The following PHF21B variants were observed in gnomAD, a reference collection of about 807,000 sequenced individuals.
PHF21B encodes PHD finger protein 4.
A neutral mutation model predicts 62.2 loss-of-function variants in PHF21B; 22 were observed. That is an observed-to-expected ratio of 0.35 (90% CI 0.25 to 0.51). The LOEUF is 0.51. PHF21B is among the 20% of genes least tolerant of loss of function. The probability of loss-of-function intolerance (pLI) is 0.97; values close to 1 mark genes in which losing one functional copy is unlikely to be tolerated. For missense variants in PHF21B, 701 were observed against 707.9 expected, an observed-to-expected ratio of 0.99 and a Z score of 0.11; for synonymous variants, 341 against 314.7, an observed-to-expected ratio of 1.08 and a Z score of -0.88.
At chr22:44,947,964 C>T (rs776680318) in intron 2 of PHF21B, among the ~76,000 whole-genome samples, 5 of 152,318 alleles carry the variant, frequency 3.3e-5, no homozygotes, top group African/African-American at 4.8e-5. Flanking sequence ...GAGCACAGGG[C>T]GCCAGAGCCT....
At chr22:45,001,641 C>T (rs891189735) in intron 2 of PHF21B, among the ~76,000 whole-genome samples, 1 of 152,236 alleles carries the variant, frequency 6.6e-6, no homozygotes, top group African/African-American at 2.4e-5. Flanking sequence ...GTCACCGTCA[C>T]TCACAACATA....
intron 2 of PHF21B, among the ~76,000 whole-genome samples, chr22:44,982,493 G>A (rs2072861143): frequency 6.6e-6 from 1 of 152,106 alleles, no homozygotes. Flanking sequence ...AGCCAAGTCT[G>A]CAGGACTCTA....
chr22:44,899,530 A>T (rs1461139174), intron 5 of PHF21B, among the ~76,000 whole-genome samples: 1 of 151,902 alleles, frequency 6.6e-6, no homozygotes, highest in African/African-American at 2.4e-5. Flanking sequence ...ACCTCAGGTG[A>T]TCTGCCTGGC....
intron 4 of PHF21B, among the ~76,000 whole-genome samples, chr22:44,915,966 C>T (rs2071424286): frequency 6.6e-6 from 1 of 152,202 alleles, no homozygotes; most frequent in African/African-American, 2.4e-5. Flanking sequence ...ATTGGTTAAT[C>T]ATTTGAATGA....
chr22:44,944,454 T>A (rs2072023584), intron 2 of PHF21B, among the ~76,000 whole-genome samples: 1 of 152,194 alleles, frequency 6.6e-6, no homozygotes, highest in African/African-American at 2.4e-5. Flanking sequence ...CTGGGAGCTA[T>A]CGAGACTTAA....
intron 2 of PHF21B, among the ~76,000 whole-genome samples, chr22:44,927,737 G>A (rs2147330723): frequency 6.6e-6 from 1 of 152,106 alleles, no homozygotes; most frequent in South Asian, 2.1e-4. Flanking sequence ...TTCTGGCAAG[G>A]GCTGACCTTT....
intron 2 of PHF21B, among the ~76,000 whole-genome samples, chr22:44,947,150 C>T (rs1030783617): frequency 1.3e-5 from 2 of 152,244 alleles, no homozygotes; most frequent in Non-Finnish European, 2.9e-5. Flanking sequence ...GAAGCCTGGC[C>T]TTGCAGGCTG....
At chr22:44,990,651 T>C (rs1221007679) in intron 2 of PHF21B, among the ~76,000 whole-genome samples, 1 of 152,200 alleles carries the variant, frequency 6.6e-6, no homozygotes, top group African/African-American at 2.4e-5. Flanking sequence ...CTAAGTAAGA[T>C]GCCGGCTACC....
intron 2 of PHF21B, among the ~76,000 whole-genome samples, chr22:44,973,838 G>A (rs2072685525): frequency 1.3e-5 from 2 of 152,228 alleles, no homozygotes; most frequent in Non-Finnish European, 2.9e-5. Flanking sequence ...ACCTAGCCCA[G>A]CACTGGGAAG....
At chr22:44,900,535 A>C (rs2071139317) in intron 5 of PHF21B, among the ~76,000 whole-genome samples, 1 of 152,130 alleles carries the variant, frequency 6.6e-6, no homozygotes, top group South Asian at 2.1e-4. Flanking sequence ...TCCTGACCTC[A>C]AGTGATCCAC....
intron 2 of PHF21B, among the ~76,000 whole-genome samples, chr22:44,968,242 G>A (rs886430773): frequency 3.9e-5 from 6 of 152,194 alleles, no homozygotes; most frequent in African/African-American, 7.2e-5. Context: ...GATTTGTCTC[G>A]TCTTTATTCA....
At chr22:44,963,627 G>A (rs954768450) in intron 2 of PHF21B, among the ~76,000 whole-genome samples, 3 of 152,312 alleles carry the variant, frequency 2.0e-5, no homozygotes, top group Admixed American at 1.3e-4. Flanking sequence ...GGCACTCACC[G>A]CAGACTTTGT....
At chr22:44,916,257 G>A (rs376608553) in intron 4 of PHF21B, 23 bp downstream of exon 4, 54 of 1,599,694 alleles carry the variant, frequency 3.4e-5, no homozygotes, top group East Asian at 2.0e-4. Flanking sequence ...CACCCTTTCC[G>A]GAGCCTGCTG....
At chr22:44,914,513 G>C (rs545058721) in intron 4 of PHF21B, among the ~76,000 whole-genome samples, 3 of 152,240 alleles carry the variant, frequency 2.0e-5, no homozygotes, top group Non-Finnish European at 4.4e-5. Context: ...CTGAGGCCAC[G>C]AGAGCTCAGA....
At chr22:44,964,170 T>C (rs573408996) in intron 2 of PHF21B, among the ~76,000 whole-genome samples, 1 of 152,282 alleles carries the variant, frequency 6.6e-6, no homozygotes, top group South Asian at 2.1e-4. Context: ...CACTAGACAG[T>C]GACAAACACA....
intron 2 of PHF21B, among the ~76,000 whole-genome samples, chr22:44,949,444 C>T (rs574870908): frequency 2.1e-4 from 32 of 152,258 alleles, no homozygotes; most frequent in African/African-American, 6.0e-4. Context: ...AGTGTTCCCT[C>T]GTCACCCCCA....
intron 2 of PHF21B, among the ~76,000 whole-genome samples, chr22:44,928,485 C>T (rs1157992321): frequency 6.6e-6 from 1 of 152,234 alleles, no homozygotes; most frequent in Non-Finnish European, 1.5e-5. Context: ...TCTTGGCTCA[C>T]TGCAACCTCT....
At chr22:44,995,625 T>A (rs947590650) in intron 2 of PHF21B, among the ~76,000 whole-genome samples, 1 of 152,134 alleles carries the variant, frequency 6.6e-6, no homozygotes, top group Non-Finnish European at 1.5e-5. Context: ...ATCTCGGGAA[T>A]CACCAACACA....
At chr22:44,952,560 T>G (rs1337700239) in intron 2 of PHF21B, among the ~76,000 whole-genome samples, 1 of 152,210 alleles carries the variant, frequency 6.6e-6, no homozygotes, top group African/African-American at 2.4e-5. Flanking sequence ...CCAGCATTTT[T>G]GGGCTTTCAA....
Sources: gnomAD v4.1 joint callset for allele counts (sites outside exome capture counted in the v4.1 genomes callset) on GRCh38, gnomAD v4.1.1 for gene constraint, MANE v1.5 for transcripts, NCBI Gene and HGNC (gene_info 2026-07-23, HGNC 2026-07-21) for gene names.